The following FBXO28 variants were observed in gnomAD, a reference collection of about 807,000 sequenced individuals.
FBXO28 encodes the protein F-box protein 28.
In FBXO28, 8 loss-of-function variants were observed where a neutral mutation model predicts 38.1. That is an observed-to-expected ratio of 0.21 (90% confidence interval 0.12 to 0.38). FBXO28 has a LOEUF of 0.38. Ranked by LOEUF, FBXO28 falls within the 10% of genes least tolerant of loss-of-function variation. FBXO28 has a pLI of 1.00. For missense variants in FBXO28, 345 were observed against 460.6 expected, an observed-to-expected ratio of 0.75 and a Z score of 2.30; for synonymous variants, 168 against 173.8, an observed-to-expected ratio of 0.97 and a Z score of 0.26.
intron 4 of FBXO28, among the ~76,000 whole-genome samples, chr1:224,153,962 GTGGCCCACGCC>G (rs1394633570): frequency 6.6e-6 from 1 of 151,952 alleles, no homozygotes; most frequent in African/African-American, 2.4e-5. Flanking sequence ...ACCAGGCGCA[GTGGCCCACGCC>G]TGTGGTCCCA....
Position 224,153,295 on chromosome 1 carries a change from C to G in FBXO28, c.670C>G (p.Pro224Ala), listed in dbSNP as rs1357267895. ...TGTTCCAATTTTAAAGAGGAAATTA[C>G]CAGGATCAGATGTTTCTGGAAGACT... ...KIVPILKRKL[P>A]GSDVSGRLMG... The change falls in exon 4 of 5, where the codon CCA becomes GCA. Residue 224 changes from proline (P) to alanine (A), a missense_variant. This residue lies in a region of FBXO28 where 151 missense variants were observed against 188.3 expected (regional missense o/e 0.80). Coordinates refer to ENST00000366862, the MANE Select transcript of FBXO28 (RefSeq NM_015176.4). 6.2e-7 allele frequency: 1 copy of G among 1,609,660 alleles called. No individual in the cohort carries two copies.
intron 3 of FBXO28, among the ~76,000 whole-genome samples, chr1:224,144,825 C>A (rs1358172412): frequency 6.6e-6 from 1 of 152,062 alleles, no homozygotes; most frequent in Non-Finnish European, 1.5e-5. Context: ...GGAGGTGCTC[C>A]TTAAAATTTT....
At chr1:224,115,265 A>T (rs1053868210) in intron 1 of FBXO28, among the ~76,000 whole-genome samples, 1 of 152,170 alleles carries the variant, frequency 6.6e-6, no homozygotes, top group Admixed American at 6.5e-5. Context: ...GTTCAGTTAG[A>T]TATTTTGCTG....
At chr1:224,126,262 T>A (rs1656901995) in intron 1 of FBXO28, among the ~76,000 whole-genome samples, 1 of 152,218 alleles carries the variant, frequency 6.6e-6, no homozygotes, top group South Asian at 2.1e-4. Context: ...TATTGAAAGA[T>A]ATCTAAACCC....
chr1:224,152,246 G>T (rs925952631), intron 3 of FBXO28, among the ~76,000 whole-genome samples: 5 of 152,128 alleles, frequency 3.3e-5, no homozygotes, highest in African/African-American at 9.7e-5. Flanking sequence ...GTGGTGACAA[G>T]GAAGTGACAA....
chr1:224,136,773 A>C (rs913041565), intron 3 of FBXO28, among the ~76,000 whole-genome samples: 1 of 150,272 alleles, frequency 6.7e-6, no homozygotes, highest in Non-Finnish European at 1.5e-5. Flanking sequence ...TGTTTTTGAG[A>C]TGGGGTCTCG....
chr1:224,136,589 A>T (rs186235106), intron 3 of FBXO28, among the ~76,000 whole-genome samples: 6 of 148,622 alleles, frequency 4.0e-5, no homozygotes, highest in Non-Finnish European at 7.4e-5. Flanking sequence ...CTAGCTGGGC[A>T]TGGTGGCGGG....
intron 3 of FBXO28, among the ~76,000 whole-genome samples, chr1:224,145,827 G>T (rs1350880876): frequency 6.6e-6 from 1 of 152,150 alleles, no homozygotes; most frequent in African/African-American, 2.4e-5. Context: ...CCAGCACTTG[G>T]AAGGCCAAGG....
intron 1 of FBXO28, among the ~76,000 whole-genome samples, chr1:224,114,787 A>G (rs942035216): frequency 1.3e-5 from 2 of 152,158 alleles, no homozygotes; most frequent in African/African-American, 4.8e-5. Flanking sequence ...GTTTGGGGAG[A>G]AAACTCAGAA....
intron 1 of FBXO28, among the ~76,000 whole-genome samples, chr1:224,125,533 C>T (rs1248545957): frequency 6.6e-6 from 1 of 152,074 alleles, no homozygotes; most frequent in East Asian, 1.9e-4. Context: ...CAGAAAATGA[C>T]CAGCCAGCTC....
rs1386239166 is a variant in FBXO28 at position 224,139,764 on chromosome 1, G to GCATGCATGCATGCATGCATACATACATA, written c.516+5555_516+5556insGCATGCATGCATGCATACATACATACAT. 1.4e-4 allele frequency among the ~76,000 whole-genome samples: 21 copies of GCATGCATGCATGCATGCATACATACATA among 146,048 alleles called. 1 individual carries two copies. Among genetic ancestry groups the GCATGCATGCATGCATGCATACATACATA allele is most frequent in the Admixed American group, 1.3e-3 (18 of 14,312 alleles). ...GAAATAAATACATACATGCATGCAT[G>GCATGCATGCATGCATGCATACATACATA]CATACATACATACATACATACATAC... On this transcript the variant is annotated intron_variant, in intron 3 of 4. Transcript: ENST00000366862.
chr1:224,127,143 G>T (rs192454283), intron 1 of FBXO28, among the ~76,000 whole-genome samples: 1 of 149,242 alleles, frequency 6.7e-6, no homozygotes, highest in African/African-American at 2.5e-5. Flanking sequence ...CCTGTCACAG[G>T]GTCCATAAGA....
At chr1:224,114,514 G>T (rs1423503126) in intron 1 of FBXO28, 118 bp downstream of exon 1, 3 of 882,660 alleles carry the variant, frequency 3.4e-6, no homozygotes, top group Non-Finnish European at 5.1e-6. Flanking sequence ...CTACAGATCT[G>T]GGAGGGAGCC....
chr1:224,130,624 G>GT, intron 2 of FBXO28, 43 bp downstream of exon 2: 2 of 1,361,958 alleles, frequency 1.5e-6, no homozygotes, highest in Middle Eastern at 1.8e-4. Context: ...AGTTGGTTTT[G>GT]TTTGTTGCTT....
intron 3 of FBXO28, among the ~76,000 whole-genome samples, chr1:224,136,253 T>A (rs1657183690): frequency 6.6e-6 from 1 of 151,940 alleles, no homozygotes; most frequent in Non-Finnish European, 1.5e-5. Flanking sequence ...GTACTTCTCA[T>A]GCTTAAACTT....
chr1:224,115,582 A>C (rs1656625696), intron 1 of FBXO28, among the ~76,000 whole-genome samples: 1 of 152,200 alleles, frequency 6.6e-6, no homozygotes. Context: ...TCAACACAGC[A>C]GTTCAACCAT....
At chr1:224,123,602 A>G (rs147170234) in intron 1 of FBXO28, among the ~76,000 whole-genome samples, 59 of 152,024 alleles carry the variant, frequency 3.9e-4, no homozygotes, top group African/African-American at 1.3e-3. Flanking sequence ...AAAAGTTTTT[A>G]TTAAGTTGGT....
intron 1 of FBXO28, among the ~76,000 whole-genome samples, chr1:224,126,632 T>C (rs1656909857): frequency 6.6e-6 from 1 of 151,992 alleles, no homozygotes; most frequent in Non-Finnish European, 1.5e-5. Context: ...CTAACCAACA[T>C]AGTGAAGCCC....
At chr1:224,148,417 G>C (rs1344430609) in intron 3 of FBXO28, among the ~76,000 whole-genome samples, 1 of 152,110 alleles carries the variant, frequency 6.6e-6, no homozygotes, top group African/African-American at 2.4e-5. Context: ...TTGGGAGGCC[G>C]AGGCAGGCGG....
Sources: gnomAD v4.1 joint callset for allele counts (sites outside exome capture counted in the v4.1 genomes callset) on GRCh38, gnomAD v4.1.1 for gene constraint, gnomAD v4.1.1 regional missense constraint, MANE v1.5 for transcripts, NCBI Gene and HGNC (gene_info 2026-07-23, HGNC 2026-07-21) for gene names.